Variants in ITPRID1 observed in about 807,000 individuals in gnomAD.
ITPRID1 encodes the protein protein ITPRID1.
A neutral mutation model predicts 95.4 loss-of-function variants in ITPRID1; 96 were observed. The observed-to-expected ratio is 1.01, with a 90% CI of 0.85 to 1.19. The LOEUF is 1.19. Ranked by LOEUF, ITPRID1 falls within the 50% of genes most tolerant of loss-of-function variation. The pLI is 0.00. For missense variants in ITPRID1, 1,339 were observed against 1,252.9 expected (o/e 1.07, Z -1.04); for synonymous variants, 510 against 453.6 (o/e 1.12, Z -1.58).
Position 31,652,817 on chromosome 7 carries a change from T to A in ITPRID1, c.3123T>A (p.Asp1041Glu), listed in dbSNP as rs975233497. 2 of 1,612,868 alleles carry A rather than the reference T, an allele frequency of 1.2e-6. No homozygotes were observed. Among genetic ancestry groups the A allele is most frequent in the Admixed American group, 1.7e-5 (1 of 60,008 alleles). Residue 1041 changes from aspartate to glutamate, a missense_variant, in exon 15 of 15, where the codon GAT (aspartate) becomes GAA (glutamate). Physicochemically the swap from Asp to Glu is conservative, Grantham distance 45. Coordinates refer to ENST00000615280, the MANE Select transcript of ITPRID1 (RefSeq NM_001257967.3). Reference sequence around the variant, plus strand: ...GTCCTGTTGGAGAAAAGGATGCAGATGTCTTCCTCTAGATCAGAGCAGGTT... The same window carrying A: ...GTCCTGTTGGAGAAAAGGATGCAGAAGTCTTCCTCTAGATCAGAGCAGGTT... The part of the protein sequence containing the change: ...SNCPVGEKDA[D>E]VFL
chr7:31,605,231 T>C (rs986864326), intron 10 of ITPRID1, among the ~76,000 whole-genome samples: 8 of 152,088 alleles, frequency 5.3e-5, no homozygotes, highest in African/African-American at 1.9e-4. Flanking sequence ...AGGTAGTTGA[T>C]AGAAGCCTTC....
intron 1 of ITPRID1, among the ~76,000 whole-genome samples, chr7:31,535,490 T>G (rs1218997874): frequency 6.6e-6 from 1 of 151,958 alleles, no homozygotes; most frequent in Non-Finnish European, 1.5e-5. Context: ...GTATATATAT[T>G]TGTATATATG....
chr7:31,657,745 A>C (rs1010260233), downstream of ITPRID1, among the ~76,000 whole-genome samples: 3 of 152,204 alleles, frequency 2.0e-5, no homozygotes, highest in African/African-American at 7.2e-5. Flanking sequence ...CAGATCACAT[A>C]TTTGAAAATA....
intron 10 of ITPRID1, among the ~76,000 whole-genome samples, chr7:31,622,953 T>G (rs1352071767): frequency 6.6e-6 from 1 of 152,160 alleles, no homozygotes; most frequent in Admixed American, 6.6e-5. Flanking sequence ...AAATACAAAC[T>G]AGCATCAGAG....
At chr7:31,658,016 T>C (rs1791376125), downstream of ITPRID1, among the ~76,000 whole-genome samples, 4 of 152,194 alleles carry the variant, frequency 2.6e-5, no homozygotes, top group Admixed American at 2.6e-4. Context: ...AAGCTTTGAA[T>C]AGGTAAGATC....
intron 1 of ITPRID1, among the ~76,000 whole-genome samples, chr7:31,521,858 C>T (rs1006874773): frequency 3.3e-5 from 5 of 151,396 alleles, no homozygotes; most frequent in Admixed American, 1.3e-4. Flanking sequence ...ACCACTTACC[C>T]GAGTAGCTAG....
At chr7:31,528,929 A>G (rs1357438612) in intron 1 of ITPRID1, among the ~76,000 whole-genome samples, 2 of 152,090 alleles carry the variant, frequency 1.3e-5, no homozygotes, top group African/African-American at 4.8e-5. Context: ...CAAGAAAAAC[A>G]TTATTTTTAG....
At chr7:31,566,270 TC>T (rs1784796942) in intron 5 of ITPRID1, among the ~76,000 whole-genome samples, 2 of 152,204 alleles carry the variant, frequency 1.3e-5, no homozygotes, top group South Asian at 4.1e-4. Context: ...TGAAAACGGA[TC>T]ATTTCCTCTC....
intron 10 of ITPRID1, among the ~76,000 whole-genome samples, chr7:31,613,320 G>A (rs1039062152): frequency 6.6e-5 from 10 of 152,122 alleles, no homozygotes; most frequent in Admixed American, 1.3e-4. Flanking sequence ...ATTATTGAAA[G>A]CCTTTGGTTA....
chr7:31,524,176 C>T (rs1486196006), intron 1 of ITPRID1, among the ~76,000 whole-genome samples: 1 of 152,172 alleles, frequency 6.6e-6, no homozygotes, highest in Non-Finnish European at 1.5e-5. Flanking sequence ...TTTTCTATGA[C>T]ATGTCCCAGG....
downstream of ITPRID1, among the ~76,000 whole-genome samples, chr7:31,657,104 A>T (rs1288610445): frequency 2.1e-5 from 3 of 145,580 alleles, no homozygotes; most frequent in South Asian, 2.2e-4. Flanking sequence ...ATATATATAA[A>T]ATATATATAA....
intron 10 of ITPRID1, among the ~76,000 whole-genome samples, chr7:31,600,868 T>C (rs1213558644): frequency 6.6e-6 from 1 of 152,176 alleles, no homozygotes; most frequent in Non-Finnish European, 1.5e-5. Context: ...CAGGTGTGGA[T>C]CATCAGGAAA....
chr7:31,574,813 C>T (rs1029078727), intron 8 of ITPRID1, 71 bp downstream of exon 8: 20 of 1,365,046 alleles, frequency 1.5e-5, no homozygotes, highest in South Asian at 1.3e-4. Flanking sequence ...ACAGTGTAGG[C>T]GAGGAGATTG....
At chr7:31,652,226 G>T (rs1791027569) in intron 14 of ITPRID1, among the ~76,000 whole-genome samples, 176 bp downstream of exon 14, 2 of 152,158 alleles carry the variant, frequency 1.3e-5, no homozygotes, top group African/African-American at 4.8e-5. Flanking sequence ...CCAGCTGATG[G>T]TGATTCTGTA....
At chr7:31,635,365 G>A (rs1434447910) in intron 10 of ITPRID1, among the ~76,000 whole-genome samples, 1 of 152,106 alleles carries the variant, frequency 6.6e-6, no homozygotes, top group Non-Finnish European at 1.5e-5. Context: ...CTCTCAAAAC[G>A]ATTGACATGC....
intron 10 of ITPRID1, among the ~76,000 whole-genome samples, chr7:31,617,788 TAAAATG>T (rs143731135): frequency 2.2e-3 from 340 of 152,214 alleles, no homozygotes; most frequent in African/African-American, 7.5e-3. Flanking sequence ...ATAATAAAGA[TAAAATG>T]AAAATGAAGA....
At chr7:31,537,276 T>C (rs1472340896) in intron 1 of ITPRID1, among the ~76,000 whole-genome samples, 3 of 152,132 alleles carry the variant, frequency 2.0e-5, no homozygotes, top group Non-Finnish European at 2.9e-5. Context: ...CTGAGACCCA[T>C]AGGGGTTCTA....
At chr7:31,568,600 C>A (rs1784878838) in intron 5 of ITPRID1, among the ~76,000 whole-genome samples, 1 of 152,166 alleles carries the variant, frequency 6.6e-6, no homozygotes, top group Non-Finnish European at 1.5e-5. Flanking sequence ...TTCTTCTGCA[C>A]GTGTCAGCCA....
Position 31,574,439 on chromosome 7 carries a change from T to C in ITPRID1, c.396-101T>C, listed in dbSNP as rs1033760800. The stretch of plus-strand genomic sequence containing the variant: ...CACCGTTTGTCTATTTAGGATCCTC[T>C]TTCACTCAGTATCTGGGAGATTGGG... On this transcript the variant is annotated intron_variant, in intron 7 of 14. Transcript: ENST00000615280. 4 of 1,038,068 alleles carry C rather than the reference T, an allele frequency of 3.9e-6. No homozygotes were observed. The African/African-American group carries it at 6.3e-5, about 16-fold the overall frequency. 64.3% of individuals were successfully genotyped at this position (1,038,068 alleles called of 1,614,324 possible).
Sources: allele counts gnomAD v4.1 joint callset (sites outside exome capture counted in the v4.1 genomes callset), GRCh38; gene constraint gnomAD v4.1.1; transcripts MANE v1.5; gene names NCBI Gene and HGNC (gene_info 2026-07-23, HGNC 2026-07-21).